Variants in ADAM10 observed in about 807,000 individuals in gnomAD.
ADAM10 encodes disintegrin and metalloproteinase domain-containing protein 10.
Under a neutral mutation model 90.1 loss-of-function variants are expected in ADAM10, and 17 were observed. The observed-to-expected ratio is 0.19, with a 90% CI of 0.13 to 0.28. The LOEUF (loss-of-function observed/expected upper bound fraction) is 0.28, where lower values mean the gene tolerates loss of function less well. ADAM10 is among the 10% of genes least tolerant of loss of function. ADAM10 has a pLI of 1.00. For synonymous variants in ADAM10, 310 were observed against 298.6 expected (o/e 1.04, Z -0.40); for missense variants, 610 against 914.3 (o/e 0.67, Z 4.29).
In ADAM10 at chr15:58,596,293, A is replaced by T. The variant is rs905578379; in HGVS notation, c.*1254T>A. 2.6e-5 allele frequency: 4 copies of T among 152,444 alleles called. No homozygotes were observed. The highest frequency in any genetic ancestry group is 5.9e-5 in the Non-Finnish European group (4 of 67,996). The allele number at this position is 152,444 out of a possible 1,614,324, so 9.4% of individuals were successfully genotyped here. On this transcript the variant is annotated 3_prime_UTR_variant, in exon 16 of 16. Coordinates refer to ENST00000260408, the MANE Select transcript of ADAM10 (RefSeq NM_001110.4). The stretch of plus-strand genomic sequence containing the variant: ...TGCATAGCAATAAGCCTGTTAATAC[A>T]TTAAATGTTTTTGCTTTCTCTTTAA...
rs1168325055 is a variant in ADAM10 at position 58,643,872 on chromosome 15, T to C, written c.828+14A>G. On this transcript the variant is annotated intron_variant, in intron 7 of 15. Coordinates refer to ENST00000260408, the MANE Select transcript of ADAM10 (RefSeq NM_001110.4). ...TTCACTTTTTAAGTGTTTTTAACTA[T>C]TTAAGTTCCTTACTCTTATGCGTTT... is the stretch of plus-strand genomic sequence containing the variant. 4 of 1,587,176 alleles carry C rather than the reference T, an allele frequency of 2.5e-6. No homozygotes were observed. In the South Asian group the frequency reaches 4.4e-5, roughly 18 times the overall value.
intron 5 of ADAM10, among the ~76,000 whole-genome samples, chr15:58,658,830 T>C (rs1896897974): frequency 6.6e-6 from 1 of 152,242 alleles, no homozygotes; most frequent in East Asian, 1.9e-4. Flanking sequence ...GCCTATGTCC[T>C]TGATAAGTCT....
At chr15:58,749,309 G>C (rs1210631256) in intron 1 of ADAM10, among the ~76,000 whole-genome samples, 171 bp downstream of exon 1, 1 of 152,126 alleles carries the variant, frequency 6.6e-6, no homozygotes, top group African/African-American at 2.4e-5. Context: ...AAGGGAAAGC[G>C]GTCGGGGCGC....
intron 11 of ADAM10, among the ~76,000 whole-genome samples, chr15:58,619,837 G>A (rs567353900): frequency 1.3e-5 from 2 of 152,074 alleles, no homozygotes; most frequent in South Asian, 4.2e-4. Flanking sequence ...CCGGGAGGCG[G>A]AGCTTGTAGT....
chr15:58,641,061 C>T, intron 7 of ADAM10, 101 bp from the exon 8 acceptor site: 1 of 1,150,872 alleles, frequency 8.7e-7, no homozygotes, highest in East Asian at 2.5e-5. Context: ...CAATATGCTC[C>T]CATGGAAATC....
At chr15:58,622,087 TCAA>T (rs1166044737) in intron 10 of ADAM10, among the ~76,000 whole-genome samples, 2 of 152,194 alleles carry the variant, frequency 1.3e-5, no homozygotes, top group African/African-American at 2.4e-5. Context: ...TTAACAACTA[TCAA>T]CAACAATATG....
intron 5 of ADAM10, among the ~76,000 whole-genome samples, chr15:58,655,727 A>AG (rs1161681338): frequency 9.0e-5 from 9 of 99,852 alleles, no homozygotes; most frequent in South Asian, 6.5e-4. Flanking sequence ...ATATATATAT[A>AG]TATATATATA....
intron 2 of ADAM10, among the ~76,000 whole-genome samples, chr15:58,706,123 C>T (rs923134902): frequency 6.6e-6 from 1 of 152,144 alleles, no homozygotes; most frequent in Non-Finnish European, 1.5e-5. Flanking sequence ...CAGTATGGTT[C>T]TAATACTCAG....
Position 58,646,047 on chromosome 15 carries a change from A to T in ADAM10, c.735+8T>A. ...GGAACTACTAAAATAGCGCATAATC[A>T]TAAATACCTGGGCAATCACAGCTTC... On this transcript the variant is annotated splice_region_variant and intron_variant, in intron 6 of 15. Transcript: ENST00000260408. The T allele has an allele frequency of 6.2e-7, 1 of 1,613,358 alleles. No homozygotes were observed. The highest frequency in any genetic ancestry group is 1.3e-5 in the African/African-American group (1 of 75,042).
chr15:58,661,525 G>A (rs1368486919), intron 5 of ADAM10, among the ~76,000 whole-genome samples: 1 of 149,834 alleles, frequency 6.7e-6, no homozygotes, highest in Non-Finnish European at 1.5e-5. Flanking sequence ...ACTTATCTTT[G>A]TTCCCCTGTA....
chr15:58,679,184 T>C lies in ADAM10; in HGVS notation c.424A>G (p.Arg142Gly). The change falls in exon 4 of 16, where the codon AGA becomes GGA. Residue 142 changes from arginine to glycine, a missense_variant. By Grantham distance (125) the Arg-to-Gly change is moderately radical (BLOSUM62 -2). Around this residue, in one of 4 missense-constraint regions of ADAM10, gnomAD observed 310 missense variants for 362.4 expected, o/e 0.86. Coordinates refer to ENST00000260408, the MANE Select transcript of ADAM10 (RefSeq NM_001110.4). ...GGCAGAGTTCGGTCTTTAATATATC[T>C]CTCTGCTGGCTCAACATAAAATGTG... is the stretch of plus-strand genomic sequence containing the variant. Reference protein sequence around the residue: ...GGTFYVEPAERYIKDRTLPFH... With the variant: ...GGTFYVEPAEGYIKDRTLPFH... 1 of 1,614,020 alleles carries C rather than the reference T, an allele frequency of 6.2e-7. No individual in the cohort carries two copies. The highest frequency in any genetic ancestry group is 8.5e-7 in the Non-Finnish European group (1 of 1,179,954).
intron 2 of ADAM10, among the ~76,000 whole-genome samples, chr15:58,714,380 C>G (rs1248896610): frequency 6.6e-6 from 1 of 151,726 alleles, no homozygotes; most frequent in Non-Finnish European, 1.5e-5. Context: ...AGCAAAACCC[C>G]TTCCAAGTAT....
At chr15:58,644,850 A>G (rs1896509006) in intron 6 of ADAM10, among the ~76,000 whole-genome samples, 1 of 152,212 alleles carries the variant, frequency 6.6e-6, no homozygotes, top group Non-Finnish European at 1.5e-5. Context: ...ACAGAGGCTT[A>G]CTTTAGTAGC....
chr15:58,731,619 C>A (rs1899246326), intron 1 of ADAM10, among the ~76,000 whole-genome samples: 1 of 151,932 alleles, frequency 6.6e-6, no homozygotes, highest in Non-Finnish European at 1.5e-5. Flanking sequence ...GAGAGTGAGA[C>A]CCTGTCTCAA....
intron 11 of ADAM10, among the ~76,000 whole-genome samples, chr15:58,619,521 T>A (rs542404747): frequency 7.9e-5 from 12 of 152,290 alleles, no homozygotes; most frequent in African/African-American, 2.6e-4. Context: ...AATATCCTTA[T>A]TACCTTGATT....
rs1301327895 is a variant in ADAM10, at chr15:58,591,228, T to C, written c.*6319A>G. ...CTGGATGACTGATAGCTTCAAGAGT[T>C]CACCCTAGCAGTTGAAATCAATTAA... On this transcript the variant is annotated 3_prime_UTR_variant, in exon 16 of 16. Transcript: ENST00000260408. 1 of 152,160 alleles carries C rather than the reference T, an allele frequency of 6.6e-6. No homozygotes were observed. The highest frequency in any genetic ancestry group is 2.4e-5 in the African/African-American group (1 of 41,436). 9.4% of individuals were successfully genotyped at this position (152,160 alleles called of 1,614,324 possible).
chr15:58,601,422 C>A (rs1895106799), intron 14 of ADAM10, among the ~76,000 whole-genome samples: 1 of 152,146 alleles, frequency 6.6e-6, no homozygotes, highest in East Asian at 1.9e-4. Flanking sequence ...GATTGTGCCA[C>A]TGCACTCCAG....
At chr15:58,627,636 A>T in intron 10 of ADAM10, 64 bp downstream of exon 10, 2 of 1,461,654 alleles carry the variant, frequency 1.4e-6, no homozygotes, top group South Asian at 2.3e-5. Flanking sequence ...TCACTATAGA[A>T]TTCTTTCAAG....
chr15:58,593,149 A>ATTTTTTTTTTTTTTTTTTTTTTTTTTT lies in ADAM10; in HGVS notation c.*4371_*4397dup. The ATTTTTTTTTTTTTTTTTTTTTTTTTTT allele has an allele frequency of 1.5e-5, 1 of 68,466 alleles. No individual in the cohort carries two copies. The highest frequency in any genetic ancestry group is 0.012 in the Middle Eastern group (1 of 86). 4.2% of individuals were successfully genotyped at this position (68,466 alleles called of 1,614,324 possible). On this transcript the variant is annotated 3_prime_UTR_variant, in exon 16 of 16. Transcript: ENST00000260408. ...AAAGTAACAAAGGCCAGGTACTCAA[A>ATTTTTTTTTTTTTTTTTTTTTTTTTTT]TTTTTTTTTTTTTTTTTTTTTTTTT...
Sources: allele counts gnomAD v4.1 joint callset (sites outside exome capture counted in the v4.1 genomes callset), GRCh38; gene constraint gnomAD v4.1.1; regional missense constraint gnomAD v4.1.1; transcripts MANE v1.5; gene names NCBI Gene and HGNC (gene_info 2026-07-23, HGNC 2026-07-21).